Variants in FAT3 observed in about 807,000 individuals in gnomAD.
FAT3 encodes the protein protocadherin Fat 3.
FAT3 carries 95 observed loss-of-function variants against 310.2 expected under a neutral mutation model. The ratio of observed to expected loss-of-function variants is 0.31; its 90% CI spans 0.26 to 0.36. The LOEUF (loss-of-function observed/expected upper bound fraction) is 0.36, where lower values mean the gene tolerates loss of function less well. Ranked by LOEUF, FAT3 falls within the 10% of genes least tolerant of loss-of-function variation. The pLI is 1.00. For missense variants in FAT3, 5,408 were observed against 5,715.6 expected (o/e 0.95, Z 1.74); for synonymous variants, 2,314 against 2,192.9 (o/e 1.06, Z -1.54).
chr11:92,403,601 C>T (rs1033092815), intron 2 of FAT3, among the ~76,000 whole-genome samples: 6 of 152,246 alleles, frequency 3.9e-5, no homozygotes, highest in East Asian at 1.9e-4. Flanking sequence ...TTGCTATTTA[C>T]AGAGGTGGAG....
intron 2 of FAT3, among the ~76,000 whole-genome samples, chr11:92,376,971 C>A (rs1237025624): frequency 6.6e-6 from 1 of 151,920 alleles, no homozygotes; most frequent in Non-Finnish European, 1.5e-5. Context: ...TGATTATGTC[C>A]AGGCCATAAA....
In FAT3 at chr11:92,798,146, T is replaced by C. The variant is rs376410245; in HGVS notation, c.5133T>C (p.Asn1711=). Residue 1711 remains asparagine (N), a synonymous_variant, in exon 10 of 28, where the codon AAT becomes AAC. Coordinates refer to ENST00000525166, the MANE Select transcript of FAT3 (RefSeq NM_001367949.2). ...LIYEVKDGDI[N]GIFTINPYSG... ...ATGAAGTCAAAGATGGAGACATTAA[T>C]GGGATCTTTACCATAAATCCATATT... The C allele has an allele frequency of 1.8e-4, 296 of 1,613,998 alleles. 1 individual carries two copies. Among genetic ancestry groups the C allele is most frequent in the Non-Finnish European group, 2.4e-4 (282 of 1,179,874 alleles).
At chr11:92,824,098 T>A (rs1469367661) in intron 13 of FAT3, among the ~76,000 whole-genome samples, 7 of 152,314 alleles carry the variant, frequency 4.6e-5, no homozygotes, top group Admixed American at 2.6e-4. Context: ...GGCTCACCCC[T>A]GTAATCCCAA....
intron 7 of FAT3, among the ~76,000 whole-genome samples, chr11:92,783,357 CAAAAA>C (rs35357267): frequency 1.1e-4 from 5 of 45,072 alleles, no homozygotes; most frequent in African/African-American, 5.0e-4. Flanking sequence ...GACTCCATCT[CAAAAA>C]AAAAAAAAAA....
chr11:92,455,628 C>T (rs1304842889), intron 2 of FAT3, among the ~76,000 whole-genome samples: 1 of 152,104 alleles, frequency 6.6e-6, no homozygotes, highest in African/African-American at 2.4e-5. Flanking sequence ...GGGGCTGCTA[C>T]TCAGCAGAAA....
intron 1 of FAT3, among the ~76,000 whole-genome samples, chr11:92,283,641 G>A (rs565033595): frequency 1.1e-4 from 17 of 152,280 alleles, no homozygotes; most frequent in South Asian, 4.1e-4. Flanking sequence ...TAAAAGCTAA[G>A]TGATGTACTT....
chr11:92,673,492 C>T (rs569037573), intron 3 of FAT3, among the ~76,000 whole-genome samples: 2 of 152,150 alleles, frequency 1.3e-5, no homozygotes, highest in Non-Finnish European at 2.9e-5. Flanking sequence ...TGGCAGTATA[C>T]GAGTGCAAAG....
chr11:92,508,296 G>C (rs1282063918), intron 2 of FAT3, among the ~76,000 whole-genome samples: 17 of 152,218 alleles, frequency 1.1e-4, no homozygotes, highest in African/African-American at 3.9e-4. Flanking sequence ...AATCACCTGT[G>C]AAAGAGTGCA....
intron 3 of FAT3, among the ~76,000 whole-genome samples, chr11:92,691,650 G>T (rs1349084942): frequency 6.6e-6 from 1 of 152,000 alleles, no homozygotes; most frequent in African/African-American, 2.4e-5. Context: ...CAAAGCATTG[G>T]GATTATAGGC....
intron 2 of FAT3, among the ~76,000 whole-genome samples, chr11:92,522,147 C>T (rs1953706642): frequency 6.6e-6 from 1 of 152,000 alleles, no homozygotes; most frequent in East Asian, 1.9e-4. Context: ...TACCTGTATC[C>T]CTCACCCCAG....
rs1211956056 is a variant in FAT3 at position 92,883,089 on chromosome 11, C to T, written c.12633C>T (p.Asn4211=). 6.2e-7 allele frequency: 1 copy of T among 1,613,774 alleles called. No homozygotes were observed. Among genetic ancestry groups the T allele is most frequent in the East Asian group, 2.2e-5 (1 of 44,888 alleles). Residue 4211 remains asparagine, a synonymous_variant, in exon 24 of 28, where the codon AAC becomes AAT. Coordinates refer to ENST00000525166, the MANE Select transcript of FAT3 (RefSeq NM_001367949.2). The surrounding 1 kb of genome is among the most constrained non-coding windows in gnomAD (Gnocchi z 4.2). ...LNKSNGIPFR[N]LRGSGDGRNV... ...AGAGCAATGGCATCCCGTTCCGGAA[C>T]CTGCGCGGCAGTGGGGACGGCCGCA...
chr11:92,411,131 ATATATTATATATATAAAT>A, intron 2 of FAT3, among the ~76,000 whole-genome samples: 1 of 110,364 alleles, frequency 9.1e-6, no homozygotes, highest in Non-Finnish European at 1.8e-5. Flanking sequence ...TTTATATATT[ATATATTATATATATAAAT>A]TATATATATA....
chr11:92,871,347 G>A (rs1949386404), intron 22 of FAT3, among the ~76,000 whole-genome samples: 1 of 152,084 alleles, frequency 6.6e-6, no homozygotes. Context: ...GTGTTCCAGG[G>A]ACCAACAGCA....
chr11:92,486,130 G>GTTTTTTTT (rs71064714), intron 2 of FAT3, among the ~76,000 whole-genome samples: 2,976 of 37,036 alleles, frequency 0.08, 448 homozygotes, highest in East Asian at 0.19. Flanking sequence ...GGCTGCTGGG[G>GTTTTTTTT]TTTTTTTTTT....
rs536313086 is a variant in FAT3 at position 92,465,969 on chromosome 11, A to G, written c.3293-58665A>G. 5.4e-4 allele frequency among the ~76,000 whole-genome samples: 82 copies of G among 152,302 alleles called. 1 individual carries two copies. Among genetic ancestry groups the G allele is most frequent in the African/African-American group, 1.8e-3 (75 of 41,568 alleles). On this transcript the variant is annotated intron_variant, in intron 2 of 27. Transcript: ENST00000525166. Reference sequence around the variant, plus strand: ...CACAGATGTAATTACCATAGTCATAAATAGTAGCATTTAGTATTAATAAGT... The same window carrying G: ...CACAGATGTAATTACCATAGTCATAGATAGTAGCATTTAGTATTAATAAGT...
chr11:92,653,248 C>T (rs1005992908), intron 3 of FAT3, among the ~76,000 whole-genome samples: 3 of 151,990 alleles, frequency 2.0e-5, no homozygotes, highest in Non-Finnish European at 4.4e-5. Context: ...GTGTGCATGT[C>T]CTTCGGTATC....
intron 7 of FAT3, among the ~76,000 whole-genome samples, chr11:92,788,215 A>T (rs1312505048): frequency 6.6e-6 from 1 of 152,188 alleles, no homozygotes; most frequent in Non-Finnish European, 1.5e-5. Context: ...ATGTCAAAAG[A>T]TGTCAAGAAC....
chr11:92,485,031 G>A (rs1300452077), intron 2 of FAT3, among the ~76,000 whole-genome samples: 1 of 152,160 alleles, frequency 6.6e-6, no homozygotes, highest in Non-Finnish European at 1.5e-5. Context: ...AAGATTTTTG[G>A]GTTAAAGAAT....
At chr11:92,567,733 G>T (rs1367765148) in intron 3 of FAT3, among the ~76,000 whole-genome samples, 1 of 152,124 alleles carries the variant, frequency 6.6e-6, no homozygotes, top group African/African-American at 2.4e-5. Context: ...CATGTTCTTT[G>T]TAGGGACATG....
Sources: gnomAD v4.1 joint callset for allele counts (sites outside exome capture counted in the v4.1 genomes callset) on GRCh38, gnomAD v4.1.1 for gene constraint, Gnocchi (gnomAD v3.1) non-coding constraint, MANE v1.5 for transcripts, NCBI Gene and HGNC (gene_info 2026-07-23, HGNC 2026-07-21) for gene names.